VWA3B: variants seen among roughly 807,000 people sequenced by gnomAD.
The protein encoded by VWA3B is von Willebrand factor A domain containing 3B.
A neutral mutation model predicts 158.3 loss-of-function variants in VWA3B; 138 were observed. The ratio of observed to expected loss-of-function variants is 0.87; its 90% CI spans 0.76 to 1.00. The LOEUF (loss-of-function observed/expected upper bound fraction) is 1.00. Among genes scored for constraint, VWA3B ranks in the 50% least tolerant of loss-of-function variants. VWA3B has a pLI of 0.00. For missense variants in VWA3B, 1,555 were observed against 1,565.1 expected, an observed-to-expected ratio of 0.99 and a Z score of 0.11; for synonymous variants, 596 against 587.3, an observed-to-expected ratio of 1.01 and a Z score of -0.21.
chr2:98,263,519 A>G (rs1353567340), intron 21 of VWA3B, among the ~76,000 whole-genome samples: 2 of 151,862 alleles, frequency 1.3e-5, no homozygotes, highest in Admixed American at 6.6e-5. Flanking sequence ...TTTGTCCTTC[A>G]TTTTGTTAAT....
chr2:98,308,402 C>G (rs920279437), intron 26 of VWA3B, among the ~76,000 whole-genome samples: 33 of 152,250 alleles, frequency 2.2e-4, no homozygotes, highest in Non-Finnish European at 4.4e-4. Flanking sequence ...TCAGAGATGT[C>G]TTTTCTGAGG....
intron 2 of VWA3B, among the ~76,000 whole-genome samples, chr2:98,109,143 C>T (rs1417603156): frequency 2.0e-5 from 3 of 152,036 alleles, no homozygotes; most frequent in African/African-American, 7.2e-5. Flanking sequence ...TAGGCATACA[C>T]CACCATGCCC....
intron 23 of VWA3B, among the ~76,000 whole-genome samples, chr2:98,292,922 CCACTG>C (rs958556053): frequency 7.9e-5 from 12 of 152,034 alleles, no homozygotes; most frequent in African/African-American, 2.9e-4. Flanking sequence ...CAAGATCTTG[CCACTG>C]CACTCTAGCC....
intron 2 of VWA3B, among the ~76,000 whole-genome samples, chr2:98,096,800 T>TAG (rs1469760282): frequency 6.6e-6 from 1 of 152,114 alleles, no homozygotes; most frequent in East Asian, 1.9e-4. Context: ...ATTTGAGTCT[T>TAG]CTCTCTTTTT....
chr2:98,102,491 G>A (rs564594222), intron 2 of VWA3B, among the ~76,000 whole-genome samples: 102 of 152,182 alleles, frequency 6.7e-4, no homozygotes, highest in African/African-American at 2.0e-3. Flanking sequence ...CCAGGCGGCC[G>A]GGCAGAGACG....
chr2:98,201,139 A>G (rs964074639), intron 12 of VWA3B, among the ~76,000 whole-genome samples: 1 of 152,118 alleles, frequency 6.6e-6, no homozygotes, highest in Non-Finnish European at 1.5e-5. Context: ...ACATTTCAGA[A>G]TCAGTTGTTG....
intron 7 of VWA3B, among the ~76,000 whole-genome samples, chr2:98,154,447 C>G (rs1677890764): frequency 6.6e-6 from 1 of 152,190 alleles, no homozygotes; most frequent in Non-Finnish European, 1.5e-5. Context: ...ACACATTTAT[C>G]TGAGGTGTTT....
At chr2:98,322,497 C>T in the VWA3B span, among the ~76,000 whole-genome samples, 3 of 152,174 alleles carry the variant, frequency 2.0e-5, no homozygotes, top group Non-Finnish European at 2.9e-5. Context: ...TAGCTAGCCC[C>T]TAAATTAGGC....
chr2:98,305,403 C>T (rs1352237110), intron 26 of VWA3B, among the ~76,000 whole-genome samples: 4 of 152,138 alleles, frequency 2.6e-5, no homozygotes, highest in Admixed American at 1.3e-4. Flanking sequence ...TATATCCCAG[C>T]CCTGCCCTCA....
rs1558788705 is a variant in VWA3B, at chr2:98,312,401, C to A, written c.*52C>A. ...GAGACCAGCGTCCTTCCAGGCTGTTCAGACCTCAGCGTTGACACTGAAACT... is the reference window on the plus strand; with the variant it reads ...GAGACCAGCGTCCTTCCAGGCTGTTAAGACCTCAGCGTTGACACTGAAACT... On this transcript the variant is annotated 3_prime_UTR_variant, in exon 28 of 28. Coordinates refer to ENST00000477737, the MANE Select transcript of VWA3B (RefSeq NM_144992.5). The A allele has an allele frequency of 6.4e-7, 1 of 1,555,160 alleles. No individual in the cohort carries two copies. Among genetic ancestry groups the A allele is most frequent in the South Asian group, 1.2e-5 (1 of 81,512 alleles).
intron 10 of VWA3B, among the ~76,000 whole-genome samples, chr2:98,190,121 G>T (rs1681449020): frequency 2.0e-5 from 3 of 151,734 alleles, no homozygotes; most frequent in South Asian, 2.1e-4. Flanking sequence ...CTTTTTACTG[G>T]TTTTTTGCCT....
chr2:98,134,016 G>T, intron 7 of VWA3B, 77 bp downstream of exon 7: 1 of 1,204,930 alleles, frequency 8.3e-7, no homozygotes, highest in Non-Finnish European at 1.2e-6. Context: ...AGGAAGTAAA[G>T]TACGAGGGAG....
chr2:98,302,762 G>A (rs546956058), intron 25 of VWA3B, among the ~76,000 whole-genome samples: 12 of 152,170 alleles, frequency 7.9e-5, no homozygotes, highest in African/African-American at 2.4e-4. Context: ...TACCATGCCC[G>A]GCTGCCTAGG....
At chr2:98,248,718 C>A (rs569060924) in intron 19 of VWA3B, among the ~76,000 whole-genome samples, 1 of 152,252 alleles carries the variant, frequency 6.6e-6, no homozygotes, top group Admixed American at 6.5e-5. Flanking sequence ...GCTTAACAAG[C>A]CTACAGCTTC....
chr2:98,303,645 T>A, intron 25 of VWA3B, 57 bp from the exon 26 acceptor site: 2 of 1,505,562 alleles, frequency 1.3e-6, no homozygotes, highest in South Asian at 2.3e-5. Context: ...TAAAATTGTA[T>A]CTGAATTGTG....
At chr2:98,180,289 G>T (rs995906595) in intron 8 of VWA3B, among the ~76,000 whole-genome samples, 2 of 152,078 alleles carry the variant, frequency 1.3e-5, no homozygotes, top group African/African-American at 4.8e-5. Context: ...CCGCCTCCCA[G>T]GTTGAAGCAG....
chr2:98,326,070 A>G, the VWA3B span, among the ~76,000 whole-genome samples: 1 of 152,246 alleles, frequency 6.6e-6, no homozygotes, highest in South Asian at 2.1e-4. Context: ...GAAATGAGAC[A>G]TATATTTCTA....
chr2:98,316,518 C>T (rs1303403854), downstream of VWA3B, among the ~76,000 whole-genome samples: 1 of 151,866 alleles, frequency 6.6e-6, no homozygotes, highest in African/African-American at 2.4e-5. Flanking sequence ...GTGACACACG[C>T]CTGTAGTCTC....
At chr2:98,217,164 T>G (rs1204402546) in intron 13 of VWA3B, among the ~76,000 whole-genome samples, 1 of 151,840 alleles carries the variant, frequency 6.6e-6, no homozygotes, top group Non-Finnish European at 1.5e-5. Flanking sequence ...TGCTGAGGAG[T>G]CCTTTTGCTG....
Sources: allele counts gnomAD v4.1 joint callset (sites outside exome capture counted in the v4.1 genomes callset), GRCh38; gene constraint gnomAD v4.1.1; transcripts MANE v1.5; gene names NCBI Gene and HGNC (gene_info 2026-07-23, HGNC 2026-07-21).